The following MCTP2 variants were observed in gnomAD, a reference collection of about 807,000 sequenced individuals.
The protein encoded by MCTP2 is multiple C2 and transmembrane domain containing 2, also known as multiple C2 and transmembrane domain-containing protein 2.
Under a neutral mutation model 111.6 loss-of-function variants are expected in MCTP2, and 132 were observed. The observed-to-expected ratio is 1.18, with a 90% confidence interval of 1.03 to 1.37. MCTP2 has a LOEUF of 1.37. Among genes scored for constraint, MCTP2 ranks in the 40% most tolerant of loss-of-function variants. The pLI, the probability that MCTP2 is intolerant of heterozygous loss-of-function variation, is 0.00. For missense variants in MCTP2, 1,183 were observed against 1,067.9 expected, an observed-to-expected ratio of 1.11 and a Z score of -1.50; for synonymous variants, 395 against 387.7, an observed-to-expected ratio of 1.02 and a Z score of -0.22.
At chr15:94,476,575 T>C (rs1193295098) in intron 21 of MCTP2, 121 bp from the exon 22 acceptor site, 5 of 603,284 alleles carry the variant, frequency 8.3e-6, no homozygotes, top group East Asian at 3.0e-5. Flanking sequence ...TTTTTGAAGA[T>C]AGATGCTAGA....
chr15:94,268,920 C>G (rs1250606302), intron 1 of MCTP2, among the ~76,000 whole-genome samples: 1 of 151,872 alleles, frequency 6.6e-6, no homozygotes, highest in Non-Finnish European at 1.5e-5. Context: ...ATTTCCACTT[C>G]TGAATCAGGG....
intron 2 of MCTP2, among the ~76,000 whole-genome samples, chr15:94,311,318 C>T (rs529650329): frequency 6.7e-6 from 1 of 149,504 alleles, no homozygotes; most frequent in Non-Finnish European, 1.5e-5. Context: ...TGAGCCACTA[C>T]ACTCAGCCTA....
intron 19 of MCTP2, among the ~76,000 whole-genome samples, chr15:94,447,064 C>G (rs535649134): frequency 5.9e-5 from 9 of 152,248 alleles, no homozygotes; most frequent in African/African-American, 1.9e-4. Context: ...ACAGTTTAAA[C>G]CATTAATTTC....
At chr15:94,374,069 G>A (rs556019100) in intron 12 of MCTP2, among the ~76,000 whole-genome samples, 1 of 152,296 alleles carries the variant, frequency 6.6e-6, no homozygotes, top group South Asian at 2.1e-4. Flanking sequence ...TTTTATTCTG[G>A]ACAATGCTGA....
chr15:94,347,032 A>T (rs2078022838), intron 8 of MCTP2, among the ~76,000 whole-genome samples: 1 of 152,142 alleles, frequency 6.6e-6, no homozygotes, highest in Non-Finnish European at 1.5e-5. Flanking sequence ...AATAAAGTTT[A>T]CTTTATTAAT....
At chr15:94,336,947 G>A (rs2152398197) in intron 4 of MCTP2, among the ~76,000 whole-genome samples, 1 of 152,124 alleles carries the variant, frequency 6.6e-6, no homozygotes, top group South Asian at 2.1e-4. Flanking sequence ...TCCTCGCCGA[G>A]TACCACACTA....
chr15:94,431,721 C>T (rs2083194574), intron 17 of MCTP2, among the ~76,000 whole-genome samples: 1 of 152,024 alleles, frequency 6.6e-6, no homozygotes, highest in African/African-American at 2.4e-5. Context: ...AGAATTAACA[C>T]AGCTTTGTTT....
intron 1 of MCTP2, among the ~76,000 whole-genome samples, chr15:94,278,647 C>T (rs1342639534): frequency 1.3e-5 from 2 of 151,946 alleles, no homozygotes; most frequent in Non-Finnish European, 2.9e-5. Flanking sequence ...AATTGCATGT[C>T]ACTGGGGTTT....
chr15:94,325,069 C>A (rs886825137), intron 4 of MCTP2, among the ~76,000 whole-genome samples: 23 of 152,150 alleles, frequency 1.5e-4, no homozygotes, highest in Non-Finnish European at 1.8e-4. Context: ...CCCTGCTGTG[C>A]CCTACAGACA....
At chr15:94,355,451 A>G (rs1217677012) in intron 8 of MCTP2, among the ~76,000 whole-genome samples, 1 of 152,210 alleles carries the variant, frequency 6.6e-6, no homozygotes, top group Non-Finnish European at 1.5e-5. Flanking sequence ...TTTTTCCTCC[A>G]AGGTATGTAT....
At chr15:94,239,083 A>G (rs957819018) in intron 1 of MCTP2, among the ~76,000 whole-genome samples, 35 of 152,220 alleles carry the variant, frequency 2.3e-4, no homozygotes, top group African/African-American at 7.9e-4. Context: ...AAAATCAAAA[A>G]CAAAAATGAT....
At chr15:94,291,549 T>C (rs1596281586) in intron 1 of MCTP2, among the ~76,000 whole-genome samples, 1 of 151,316 alleles carries the variant, frequency 6.6e-6, no homozygotes, top group South Asian at 2.1e-4. Context: ...TGCAGTGAGC[T>C]GAGATCGTGC....
chr15:94,448,857 A>G (rs2084275607), intron 19 of MCTP2, among the ~76,000 whole-genome samples: 1 of 152,328 alleles, frequency 6.6e-6, no homozygotes. Flanking sequence ...CCTGGCCAAC[A>G]TGGTGAAACC....
At position 94,399,904 on chromosome 15, in the gene MCTP2, A is replaced by G; in HGVS notation, c.1891-17A>G. 8.7e-6 allele frequency: 14 copies of G among 1,612,084 alleles called. No individual in the cohort carries two copies. The highest frequency in any genetic ancestry group is 1.2e-5 in the Non-Finnish European group (14 of 1,178,362). On this transcript the variant is annotated splice_polypyrimidine_tract_variant and intron_variant, in intron 15 of 22. Transcript: ENST00000357742. ...CCTATACATGCTGCCCTTTTTTAAC[A>G]AGGATGTCTTTTCTAGGTGAAAGCA... is the stretch of plus-strand genomic sequence containing the variant.
intron 4 of MCTP2, among the ~76,000 whole-genome samples, chr15:94,321,715 G>A (rs544741675): frequency 6.6e-6 from 1 of 152,282 alleles, no homozygotes; most frequent in South Asian, 2.1e-4. Flanking sequence ...GAGGTTAGGG[G>A]TGCCAACCCC....
intron 1 of MCTP2, among the ~76,000 whole-genome samples, chr15:94,267,926 C>T (rs1382030699): frequency 2.4e-4 from 29 of 121,210 alleles, no homozygotes; most frequent in African/African-American, 8.3e-4. Flanking sequence ...AGTGCAGAGG[C>T]GTGATCTTGG....
intron 1 of MCTP2, among the ~76,000 whole-genome samples, chr15:94,276,841 C>A (rs6416599): frequency 1 from 143,827 of 144,278 alleles, 71,689 homozygotes; most frequent in Middle Eastern, 1. Flanking sequence ...AGTAAACTAA[C>A]CCAAAAAAAA....
At chr15:94,307,386 A>T (rs768439925) in intron 2 of MCTP2, among the ~76,000 whole-genome samples, 2 of 152,126 alleles carry the variant, frequency 1.3e-5, no homozygotes, top group Non-Finnish European at 2.9e-5. Flanking sequence ...GCATAGCTAG[A>T]GAAAAGCCTT....
chr15:94,240,422 C>G (rs578136134), intron 1 of MCTP2, among the ~76,000 whole-genome samples: 1 of 152,266 alleles, frequency 6.6e-6, no homozygotes, highest in South Asian at 2.1e-4. Flanking sequence ...CTCTGTTTTG[C>G]ATCCCAGGGA....
Sources: gnomAD v4.1 joint callset for allele counts (sites outside exome capture counted in the v4.1 genomes callset) on GRCh38, gnomAD v4.1.1 for gene constraint, MANE v1.5 for transcripts, NCBI Gene and HGNC (gene_info 2026-07-23, HGNC 2026-07-21) for gene names.